The following SUPT3H variants were observed in gnomAD, a reference collection of about 807,000 sequenced individuals.
SUPT3H encodes transcription initiation protein SPT3 homolog.
SUPT3H carries 44 observed loss-of-function variants against 44.3 expected under a neutral mutation model. The ratio of observed to expected loss-of-function variants is 0.99; its 90% CI spans 0.78 to 1.28. The LOEUF is 1.28. Ranked by LOEUF, SUPT3H falls within the 50% of genes most tolerant of loss-of-function variation. The pLI is 0.00. For synonymous variants in SUPT3H, 124 were observed against 125.6 expected, an observed-to-expected ratio of 0.99 and a Z score of 0.09; for missense variants, 380 against 387.1, an observed-to-expected ratio of 0.98 and a Z score of 0.15.
chr6:45,326,925 C>T (rs1005778497), intron 2 of SUPT3H, among the ~76,000 whole-genome samples: 5 of 151,836 alleles, frequency 3.3e-5, no homozygotes, highest in Non-Finnish European at 5.9e-5. Context: ...GTCTAACATG[C>T]AGATTTAGAG....
At chr6:44,971,582 C>T (rs377734720) in intron 6 of SUPT3H, among the ~76,000 whole-genome samples, 2 of 152,118 alleles carry the variant, frequency 1.3e-5, no homozygotes, top group Admixed American at 6.5e-5. Context: ...GGTAACTGCC[C>T]CCCATGATTC....
intron 2 of SUPT3H, among the ~76,000 whole-genome samples, chr6:45,209,086 C>A (rs974134886): frequency 1.3e-5 from 2 of 152,182 alleles, no homozygotes; most frequent in Admixed American, 1.3e-4. Flanking sequence ...ACTGTTGAGA[C>A]CTACTACTCA....
At chr6:44,819,380 T>G (rs1188916173) in intron 11 of SUPT3H, among the ~76,000 whole-genome samples, 3 of 152,078 alleles carry the variant, frequency 2.0e-5, no homozygotes, top group Non-Finnish European at 4.4e-5. Flanking sequence ...TCTTTTATTT[T>G]TATTGTGATG....
intron 2 of SUPT3H, among the ~76,000 whole-genome samples, chr6:45,187,101 TAAAAAAA>T (rs70996308): frequency 6.3e-5 from 5 of 79,842 alleles, no homozygotes; most frequent in African/African-American, 2.3e-4. Context: ...TTTTCGCCTT[TAAAAAAA>T]AAAAAAAAAA....
chr6:44,994,289 G>C (rs1242482886), intron 6 of SUPT3H, among the ~76,000 whole-genome samples: 1 of 152,048 alleles, frequency 6.6e-6, no homozygotes, highest in Non-Finnish European at 1.5e-5. Context: ...AGGAGTGAAA[G>C]CATGGATGGA....
At chr6:44,814,524 G>C (rs1041818447) in intron 11 of SUPT3H, among the ~76,000 whole-genome samples, 14 of 152,130 alleles carry the variant, frequency 9.2e-5, no homozygotes, top group African/African-American at 3.4e-4. Flanking sequence ...TGGATCTCTA[G>C]AGTTGTTCTG....
intron 2 of SUPT3H, among the ~76,000 whole-genome samples, chr6:45,337,773 GTTTA>G (rs1788893868): frequency 1.3e-5 from 2 of 151,880 alleles, no homozygotes; most frequent in Non-Finnish European, 2.9e-5. Context: ...TGGTTGTTAT[GTTTA>G]TTTTTGTTTA....
At chr6:45,014,664 C>A (rs1229245966) in intron 5 of SUPT3H, 137 bp downstream of exon 5, 1 of 476,550 alleles carries the variant, frequency 2.1e-6, no homozygotes, top group East Asian at 3.5e-5. Flanking sequence ...TATACTTTTG[C>A]AAGGGTATTC....
chr6:45,001,828 T>C (rs910198195), intron 6 of SUPT3H, among the ~76,000 whole-genome samples: 2 of 152,098 alleles, frequency 1.3e-5, no homozygotes, highest in African/African-American at 4.8e-5. Flanking sequence ...CAAAGTGGTT[T>C]CATATGAACT....
intron 6 of SUPT3H, among the ~76,000 whole-genome samples, chr6:44,981,660 A>G (rs1412879559): frequency 1.3e-5 from 2 of 152,192 alleles, no homozygotes; most frequent in Non-Finnish European, 2.9e-5. Context: ...TACCTCTAAC[A>G]CAAGATGGGA....
intron 5 of SUPT3H, among the ~76,000 whole-genome samples, chr6:45,011,239 G>A (rs902043558): frequency 1.3e-5 from 2 of 152,026 alleles, no homozygotes; most frequent in Non-Finnish European, 2.9e-5. Flanking sequence ...TATAGAATTA[G>A]TTGGGAAATA....
At chr6:44,902,265 T>C (rs1428733988) in intron 10 of SUPT3H, among the ~76,000 whole-genome samples, 2 of 152,142 alleles carry the variant, frequency 1.3e-5, no homozygotes, top group South Asian at 2.1e-4. Flanking sequence ...CAGTGTGCTG[T>C]ATTTAGGAAA....
intron 2 of SUPT3H, among the ~76,000 whole-genome samples, chr6:45,177,973 A>T (rs1159099898): frequency 6.6e-6 from 1 of 152,186 alleles, no homozygotes; most frequent in African/African-American, 2.4e-5. Flanking sequence ...TCATGCCAAA[A>T]TGTAAAGACC....
At chr6:45,232,315 T>G (rs1768208687) in intron 2 of SUPT3H, among the ~76,000 whole-genome samples, 1 of 152,214 alleles carries the variant, frequency 6.6e-6, no homozygotes, top group Non-Finnish European at 1.5e-5. Context: ...TCTCCAGCTG[T>G]AAATGGCTTC....
chr6:45,048,969 T>C (rs1489422857), intron 3 of SUPT3H, among the ~76,000 whole-genome samples: 1 of 152,078 alleles, frequency 6.6e-6, no homozygotes, highest in Non-Finnish European at 1.5e-5. Flanking sequence ...ACAAGAGAAC[T>C]GTACAGCATA....
intron 3 of SUPT3H, among the ~76,000 whole-genome samples, chr6:45,025,750 G>A (rs1785880131): frequency 6.6e-6 from 1 of 152,140 alleles, no homozygotes; most frequent in Admixed American, 6.5e-5. Context: ...TGGCGTGGTG[G>A]TGGGCGCCTG....
chr6:44,871,087 G>T (rs1428268054), intron 10 of SUPT3H, among the ~76,000 whole-genome samples: 3 of 150,708 alleles, frequency 2.0e-5, no homozygotes, highest in African/African-American at 7.3e-5. Flanking sequence ...GCCCGCCATT[G>T]CCCAGGCTTG....
In SUPT3H at chr6:44,815,188, TC is replaced by T. The variant is rs527748882; in HGVS notation, c.*53-5688del. ...GCATTCTTTGTGCTTTTCTGAGTCT[TC>T]TGAGTTTTTTGTTTGCAATGAATGA... On this transcript the variant is annotated intron_variant and NMD_transcript_variant, in intron 11 of 11. Coordinates refer to the SUPT3H transcript ENST00000475057. Among the ~76,000 whole-genome samples, 583 of 152,322 alleles carry T rather than the reference TC, an allele frequency of 3.8e-3. 5 individuals carry two copies. Among genetic ancestry groups the T allele is most frequent in the Non-Finnish European group, 4.5e-3 (306 of 68,014 alleles).
chr6:45,020,743 A>G (rs1785011323), intron 3 of SUPT3H, 111 bp from the exon 4 acceptor site: 2 of 636,942 alleles, frequency 3.1e-6, no homozygotes, highest in South Asian at 2.9e-5. Context: ...CCTTTGGGAA[A>G]TAATCCAGCA....
Sources: gnomAD v4.1 joint callset for allele counts (sites outside exome capture counted in the v4.1 genomes callset) on GRCh38, gnomAD v4.1.1 for gene constraint, MANE v1.5 for transcripts, NCBI Gene and HGNC (gene_info 2026-07-23, HGNC 2026-07-21) for gene names.